Variants in MAGI2 observed in about 807,000 individuals in gnomAD.
MAGI2 encodes membrane associated guanylate kinase, WW and PDZ domain containing 2.
A neutral mutation model predicts 133.3 loss-of-function variants in MAGI2; 35 were observed. That is an observed-to-expected ratio of 0.26 (90% CI 0.20 to 0.35). The LOEUF is 0.35. MAGI2 is among the 10% of genes least tolerant of loss of function. The pLI is 1.00. For missense variants in MAGI2, 1,636 were observed against 1,863.4 expected, an observed-to-expected ratio of 0.88 and a Z score of 2.25; for synonymous variants, 729 against 710.6, an observed-to-expected ratio of 1.03 and a Z score of -0.41.
At chr7:78,314,115 G>T (rs1182601482) in intron 9 of MAGI2, among the ~76,000 whole-genome samples, 1 of 152,096 alleles carries the variant, frequency 6.6e-6, no homozygotes, top group Non-Finnish European at 1.5e-5. Context: ...AAGATAGATT[G>T]ATTTTATAAG....
chr7:78,547,874 A>T (rs1028690611), intron 3 of MAGI2, among the ~76,000 whole-genome samples: 2 of 152,214 alleles, frequency 1.3e-5, no homozygotes, highest in Admixed American at 6.5e-5. Flanking sequence ...GATGTTATCC[A>T]ATGACCTGCT....
chr7:79,095,432 G>A (rs1054808662), intron 1 of MAGI2, among the ~76,000 whole-genome samples: 36 of 152,276 alleles, frequency 2.4e-4, no homozygotes, highest in Middle Eastern at 3.4e-3. Flanking sequence ...TGATGCAAGC[G>A]GACTAGCTTT....
intron 1 of MAGI2, among the ~76,000 whole-genome samples, chr7:79,427,383 AATT>A (rs1847456642): frequency 1.3e-5 from 2 of 152,168 alleles, no homozygotes; most frequent in African/African-American, 4.8e-5. Flanking sequence ...AAAATTAAAA[AATT>A]AATTAAATTA....
intron 2 of MAGI2, among the ~76,000 whole-genome samples, chr7:78,788,738 C>A (rs1380436262): frequency 6.6e-6 from 1 of 152,210 alleles, no homozygotes; most frequent in Non-Finnish European, 1.5e-5. Context: ...GGGAATACCT[C>A]CCACTAATAA....
At chr7:78,515,642 T>TGGAATCCC (rs151007749) in intron 4 of MAGI2, among the ~76,000 whole-genome samples, 11,817 of 152,174 alleles carry the variant, frequency 0.078, 569 homozygotes, top group Non-Finnish European at 0.11. Context: ...AGCTCAAGCC[T>TGGAATCCC]GGAATCCCAG....
At chr7:79,155,630 G>C (rs1823702442) in intron 1 of MAGI2, among the ~76,000 whole-genome samples, 1 of 152,110 alleles carries the variant, frequency 6.6e-6, no homozygotes, top group Non-Finnish European at 1.5e-5. Context: ...AAGGCAAAGG[G>C]GGACCAGAGA....
rs143928643 is a variant in MAGI2 at position 78,176,611 on chromosome 7, G to A, written c.2403+1400C>T. On this transcript the variant is annotated intron_variant, in intron 14 of 21. Transcript: ENST00000354212. Reference sequence around the variant, plus strand: ...ACTTTACTCTGAGACAGTTTTAACCGTTTCAGATTCCTCTCATTTATTAGA... The same window carrying A: ...ACTTTACTCTGAGACAGTTTTAACCATTTCAGATTCCTCTCATTTATTAGA... Among the ~76,000 whole-genome samples, 1,015 of 152,190 alleles carry A rather than the reference G, an allele frequency of 6.7e-3. 6 individuals carry two copies. The highest frequency in any genetic ancestry group is 0.023 in the African/African-American group (949 of 41,524).
intron 1 of MAGI2, among the ~76,000 whole-genome samples, chr7:79,443,502 C>T (rs1371560148): frequency 6.6e-6 from 1 of 152,122 alleles, no homozygotes; most frequent in African/African-American, 2.4e-5. Context: ...CAAAATCCAG[C>T]TAATCAGATT....
chr7:79,265,319 T>C (rs1413654034), intron 1 of MAGI2, among the ~76,000 whole-genome samples: 2 of 152,126 alleles, frequency 1.3e-5, no homozygotes, highest in African/African-American at 2.4e-5. Context: ...ACATGAAAGT[T>C]TGAGGACGAC....
chr7:79,229,317 T>G (rs932405004), intron 1 of MAGI2, among the ~76,000 whole-genome samples: 1 of 152,150 alleles, frequency 6.6e-6, no homozygotes, highest in Admixed American at 6.5e-5. Context: ...TAAAACCCCA[T>G]ACATGCTACA....
Position 78,040,329 on chromosome 7 carries a change from G to C in MAGI2, c.3707-20353C>G, listed in dbSNP as rs193081066. On this transcript the variant is annotated intron_variant, in intron 21 of 21. Transcript: ENST00000354212. The stretch of plus-strand genomic sequence containing the variant: ...GTCTTCCCCACCCTCTGTCCAAGCA[G>C]AGCGAGGATGAGGGGAGGCACAGGC... Among the ~76,000 whole-genome samples, 12 of 125,640 alleles carry C rather than the reference G, an allele frequency of 9.6e-5. No individual in the cohort carries two copies. In the East Asian group the frequency reaches 2.2e-3, roughly 23 times the overall value. The allele number at this position is 125,640 out of a possible 152,430, so 82.4% of individuals were successfully genotyped here.
chr7:79,118,840 T>C (rs899688399), intron 1 of MAGI2, among the ~76,000 whole-genome samples: 2 of 152,140 alleles, frequency 1.3e-5, no homozygotes, highest in Non-Finnish European at 2.9e-5. Context: ...TGCTTCTTTA[T>C]ATATATCAAT....
In MAGI2 at chr7:79,027,564, G is replaced by A. The variant is rs567561841; in HGVS notation, c.302-20358C>T. On this transcript the variant is annotated intron_variant, in intron 1 of 21. Transcript: ENST00000354212. ...GGAATGAAAAGATGATGGTCAAAGG[G>A]TACAAAATCTCCGTGAAATAGAAAT... 2.1e-4 allele frequency among the ~76,000 whole-genome samples: 32 copies of A among 151,968 alleles called. No individual in the cohort carries two copies. In the East Asian group the frequency reaches 6.2e-3, roughly 30 times the overall value.
intron 1 of MAGI2, among the ~76,000 whole-genome samples, chr7:79,295,985 C>T (rs1416419382): frequency 6.6e-6 from 1 of 152,028 alleles, no homozygotes; most frequent in African/African-American, 2.4e-5. Flanking sequence ...AAAATGAAAA[C>T]AGAAAACAAG....
intron 1 of MAGI2, among the ~76,000 whole-genome samples, chr7:79,246,339 G>A (rs377516661): frequency 7.2e-5 from 11 of 152,172 alleles, no homozygotes; most frequent in African/African-American, 2.4e-4. Flanking sequence ...GAAGCTGAGA[G>A]ATGTGGTCTC....
At chr7:78,022,658 C>G (rs935493426) in intron 21 of MAGI2, among the ~76,000 whole-genome samples, 5 of 152,168 alleles carry the variant, frequency 3.3e-5, no homozygotes, top group African/African-American at 1.2e-4. Context: ...GAAGACTTAG[C>G]ATTTATTTCT....
At chr7:78,272,653 G>C (rs1177455883) in intron 9 of MAGI2, among the ~76,000 whole-genome samples, 4 of 152,166 alleles carry the variant, frequency 2.6e-5, no homozygotes, top group Non-Finnish European at 5.9e-5. Flanking sequence ...ATTTAGGACA[G>C]TTAGCTCTTC....
chr7:78,454,738 T>TA (rs1260494527), intron 6 of MAGI2, among the ~76,000 whole-genome samples: 1 of 152,032 alleles, frequency 6.6e-6, no homozygotes, highest in Non-Finnish European at 1.5e-5. Context: ...TATTTAGAGA[T>TA]AAAACGCAAT....
intron 20 of MAGI2, among the ~76,000 whole-genome samples, chr7:78,123,400 T>C (rs1473468592): frequency 3.9e-5 from 6 of 152,148 alleles, no homozygotes; most frequent in African/African-American, 1.4e-4. Context: ...ATATCTATGA[T>C]AAAGTTTAAT....
Sources: gnomAD v4.1 joint callset for allele counts (sites outside exome capture counted in the v4.1 genomes callset) on GRCh38, gnomAD v4.1.1 for gene constraint, MANE v1.5 for transcripts, NCBI Gene and HGNC (gene_info 2026-07-23, HGNC 2026-07-21) for gene names.